Variants in ITPR2 observed in about 807,000 individuals in gnomAD.
The protein encoded by ITPR2 is inositol 1,4,5-trisphosphate receptor type 2.
Under a neutral mutation model 317.1 loss-of-function variants are expected in ITPR2, and 207 were observed. The observed-to-expected ratio is 0.65, with a 90% confidence interval of 0.58 to 0.73. The LOEUF (loss-of-function observed/expected upper bound fraction) is 0.73, where lower values mean the gene tolerates loss of function less well. Among genes scored for constraint, ITPR2 ranks in the 30% least tolerant of loss-of-function variants. The pLI, the probability that ITPR2 is intolerant of heterozygous loss-of-function variation, is 0.00. For synonymous variants in ITPR2, 1,156 were observed against 1,149.1 expected (o/e 1.01, Z -0.12); for missense variants, 2,613 against 3,284.0 (o/e 0.80, Z 4.99).
chr12:26,755,597 T>C (rs894609197), intron 2 of ITPR2, among the ~76,000 whole-genome samples: 9 of 152,234 alleles, frequency 5.9e-5, no homozygotes, highest in Non-Finnish European at 1.2e-4. Context: ...TCTCTCTACC[T>C]GATTTCTCCA....
intron 39 of ITPR2, among the ~76,000 whole-genome samples, chr12:26,491,936 T>C (rs952733142): frequency 4.6e-5 from 7 of 152,160 alleles, no homozygotes; most frequent in Non-Finnish European, 8.8e-5. Context: ...GCTGGATACA[T>C]AGTCTAGAAC....
intron 21 of ITPR2, among the ~76,000 whole-genome samples, chr12:26,650,920 T>C (rs1387871986): frequency 1.3e-5 from 2 of 152,192 alleles, no homozygotes; most frequent in Non-Finnish European, 2.9e-5. Flanking sequence ...TGCTCATAGA[T>C]TTATTTTTAT....
chr12:26,809,642 AC>A (rs1950699340), intron 1 of ITPR2, among the ~76,000 whole-genome samples: 2 of 152,132 alleles, frequency 1.3e-5, no homozygotes, highest in Admixed American at 6.5e-5. Flanking sequence ...AGTAAAACTT[AC>A]CCAAAATATT....
At chr12:26,772,813 T>C (rs1220682196) in intron 2 of ITPR2, among the ~76,000 whole-genome samples, 2 of 151,932 alleles carry the variant, frequency 1.3e-5, no homozygotes, top group Non-Finnish European at 2.9e-5. Context: ...GGTGTACATG[T>C]GTCATGGTGG....
chr12:26,733,468 C>T, intron 2 of ITPR2, among the ~76,000 whole-genome samples: 1 of 152,088 alleles, frequency 6.6e-6, no homozygotes, highest in East Asian at 1.9e-4. Context: ...TACATATGTG[C>T]CACAGTTATA....
chr12:26,517,560 G>A (rs534274304), intron 37 of ITPR2, among the ~76,000 whole-genome samples: 19 of 152,100 alleles, frequency 1.2e-4, no homozygotes, highest in Middle Eastern at 3.2e-3. Flanking sequence ...GATGCTGACC[G>A]GGCGTGATGG....
intron 50 of ITPR2, among the ~76,000 whole-genome samples, chr12:26,415,967 A>G (rs941816866): frequency 6.6e-6 from 1 of 152,200 alleles, no homozygotes; most frequent in Non-Finnish European, 1.5e-5. Flanking sequence ...CATTAAATGT[A>G]TTACTTAATC....
intron 51 of ITPR2, among the ~76,000 whole-genome samples, chr12:26,414,066 C>T (rs1940643670): frequency 6.6e-6 from 1 of 151,512 alleles, no homozygotes; most frequent in African/African-American, 2.4e-5. Flanking sequence ...CACACACACA[C>T]ACACACACAC....
intron 49 of ITPR2, among the ~76,000 whole-genome samples, chr12:26,422,391 T>C (rs929034923): frequency 1.3e-5 from 2 of 152,084 alleles, no homozygotes; most frequent in African/African-American, 2.4e-5. Context: ...TTTTCATATA[T>C]ACTTTATAGT....
rs1246102047 is a variant in ITPR2, at chr12:26,652,685, G to A, written c.2740+1291C>T. On this transcript the variant is annotated intron_variant, in intron 21 of 56. Coordinates refer to ENST00000381340, the MANE Select transcript of ITPR2 (RefSeq NM_002223.4). ...GTAGCTAATAGCTGGCTGATACAAAGACACAAAGGGTGGCCCCCTTTGCCT... is the reference window on the plus strand; with the variant it reads ...GTAGCTAATAGCTGGCTGATACAAAAACACAAAGGGTGGCCCCCTTTGCCT... Among the ~76,000 whole-genome samples the A allele has an allele frequency of 3.9e-5, 6 of 152,172 alleles. No individual in the cohort carries two copies. In the East Asian group the frequency reaches 9.6e-4, roughly 24 times the overall value.
At chr12:26,583,375 C>T (rs561050823) in intron 32 of ITPR2, among the ~76,000 whole-genome samples, 1 of 152,090 alleles carries the variant, frequency 6.6e-6, no homozygotes, top group African/African-American at 2.4e-5. Flanking sequence ...TTTTTATGAG[C>T]TCTTTTCAAT....
chr12:26,371,850 T>C (rs1427571845), intron 55 of ITPR2, among the ~76,000 whole-genome samples: 2 of 152,220 alleles, frequency 1.3e-5, no homozygotes, highest in Non-Finnish European at 2.9e-5. Context: ...ATTTTCCTTC[T>C]GCCAGACTCT....
intron 39 of ITPR2, among the ~76,000 whole-genome samples, chr12:26,490,499 C>T (rs764348593): frequency 5.3e-5 from 8 of 152,288 alleles, no homozygotes; most frequent in Non-Finnish European, 1.0e-4. Context: ...GCCTGATGCA[C>T]ACATGAAGAG....
intron 26 of ITPR2, among the ~76,000 whole-genome samples, chr12:26,618,011 T>TATAAC (rs1946409705): frequency 6.6e-6 from 1 of 151,980 alleles, no homozygotes; most frequent in South Asian, 2.1e-4. Flanking sequence ...AATAATATAA[T>TATAAC]CTTAATAGAT....
intron 37 of ITPR2, among the ~76,000 whole-genome samples, chr12:26,502,033 A>G (rs1330167489): frequency 1.3e-5 from 2 of 152,246 alleles, no homozygotes; most frequent in Non-Finnish European, 2.9e-5. Context: ...TCCTAGCCTC[A>G]AGACAAACAG....
intron 8 of ITPR2, among the ~76,000 whole-genome samples, chr12:26,712,726 C>T (rs553221342): frequency 5.1e-4 from 78 of 151,748 alleles, no homozygotes; most frequent in Middle Eastern, 3.4e-3. Context: ...TCTGAAGATC[C>T]CAGACTAAGA....
At chr12:26,656,616 A>G in intron 18 of ITPR2, 68 bp from the exon 19 acceptor site, 2 of 1,503,540 alleles carry the variant, frequency 1.3e-6, no homozygotes, top group Non-Finnish European at 1.8e-6. Flanking sequence ...CATAGTACCA[A>G]TCAGTATCTA....
chr12:26,642,549 C>T (rs183320463), intron 21 of ITPR2, among the ~76,000 whole-genome samples: 67 of 152,318 alleles, frequency 4.4e-4, no homozygotes, highest in African/African-American at 1.5e-3. Context: ...TCCCAGCCTC[C>T]GGAGCTGTGA....
chr12:26,673,449 G>C (rs1232570498), intron 13 of ITPR2, among the ~76,000 whole-genome samples: 2 of 152,094 alleles, frequency 1.3e-5, no homozygotes, highest in African/African-American at 4.8e-5. Context: ...AAAACCACAT[G>C]ACTATCTCAA....
Sources: gnomAD v4.1 joint callset for allele counts (sites outside exome capture counted in the v4.1 genomes callset) on GRCh38, gnomAD v4.1.1 for gene constraint, MANE v1.5 for transcripts, NCBI Gene and HGNC (gene_info 2026-07-23, HGNC 2026-07-21) for gene names.